Variants in CEP57L1 observed in about 807,000 individuals in gnomAD.
CEP57L1 encodes centrosomal protein 57 like 1, also known as centrosomal protein CEP57L1.
Under a neutral mutation model 61.0 loss-of-function variants are expected in CEP57L1, and 37 were observed. That is an observed-to-expected ratio of 0.61 (90% CI 0.47 to 0.80). The LOEUF is 0.80. Ranked by LOEUF, CEP57L1 falls within the 30% of genes least tolerant of loss-of-function variation. CEP57L1 has a pLI of 0.00. For missense variants in CEP57L1, 422 were observed against 524.7 expected, an observed-to-expected ratio of 0.80 and a Z score of 1.91; for synonymous variants, 137 against 162.3, an observed-to-expected ratio of 0.84 and a Z score of 1.19.
chr6:109,096,501 C>T (rs1478305075), intron 1 of CEP57L1, among the ~76,000 whole-genome samples: 2 of 152,126 alleles, frequency 1.3e-5, no homozygotes, highest in Admixed American at 1.3e-4. Context: ...AGGGTACTTT[C>T]AGGAAACGTC....
At position 109,158,969 on chromosome 6, in the gene CEP57L1, C is replaced by A; in HGVS notation, c.745-56C>A. 3.3e-6 allele frequency: 5 copies of A among 1,534,746 alleles called. No homozygotes were observed. In the South Asian group the frequency reaches 6.0e-5, roughly 18 times the overall value. On this transcript the variant is annotated intron_variant, in intron 7 of 10. Coordinates refer to ENST00000517392, the MANE Select transcript of CEP57L1 (RefSeq NM_001271852.3). ...GTTGAGTTTTGAGAGTTCTTCATAT[C>A]GTAAATAACTTTTAAAATAATTTCT...
At chr6:109,161,066 G>T (rs981902283) in intron 10 of CEP57L1, among the ~76,000 whole-genome samples, 2 of 151,960 alleles carry the variant, frequency 1.3e-5, no homozygotes, top group Admixed American at 1.3e-4. Context: ...ATGCCTTAAT[G>T]ATACCCCTTA....
At chr6:109,135,108 C>T (rs1774689108) in intron 1 of CEP57L1, among the ~76,000 whole-genome samples, 1 of 152,124 alleles carries the variant, frequency 6.6e-6, no homozygotes, top group Non-Finnish European at 1.5e-5. Context: ...ATCGCCAAGT[C>T]AATCCTAAGC....
intron 1 of CEP57L1, among the ~76,000 whole-genome samples, chr6:109,131,652 G>C (rs932048163): frequency 4.6e-5 from 7 of 151,140 alleles, no homozygotes; most frequent in African/African-American, 1.7e-4. Context: ...TCTGGTAAAA[G>C]AACACATTTT....
chr6:109,132,777 C>T (rs1277091713), intron 1 of CEP57L1, among the ~76,000 whole-genome samples: 3 of 152,058 alleles, frequency 2.0e-5, no homozygotes, highest in Admixed American at 6.5e-5. Flanking sequence ...TTTATATTGT[C>T]GGTTTTAAAT....
intron 1 of CEP57L1, among the ~76,000 whole-genome samples, chr6:109,114,018 G>A (rs1771990305): frequency 6.6e-6 from 1 of 152,016 alleles, no homozygotes; most frequent in South Asian, 2.1e-4. Context: ...AGTGAACATG[G>A]GAGTGCAGAC....
intron 1 of CEP57L1, among the ~76,000 whole-genome samples, chr6:109,132,644 T>C (rs1016434487): frequency 2.0e-5 from 3 of 152,244 alleles, no homozygotes; most frequent in African/African-American, 4.8e-5. Flanking sequence ...TGTATGTATA[T>C]ATGTGTATGT....
intron 7 of CEP57L1, 57 bp downstream of exon 7, chr6:109,155,934 C>A (rs1043155096): frequency 2.6e-6 from 2 of 775,726 alleles, no homozygotes; most frequent in African/African-American, 1.8e-5. Context: ...ATTTATATAA[C>A]CTCTTAATCC....
intron 1 of CEP57L1, among the ~76,000 whole-genome samples, chr6:109,100,921 A>G (rs1350225438): frequency 6.6e-6 from 1 of 152,128 alleles, no homozygotes; most frequent in Non-Finnish European, 1.5e-5. Flanking sequence ...ATCCTGGCCA[A>G]CATGGTGAAA....
In CEP57L1 at chr6:109,143,254, ACTC is replaced by A. The variant is rs141655726; in HGVS notation, c.-3-1959_-3-1957del. On this transcript the variant is annotated intron_variant, in intron 1 of 10. Transcript: ENST00000517392. Reference sequence around the variant, plus strand: ...CCACCATCATAGTCTACTCAGAATCACTCCTCCTTTCCTTAGTCATTTAAGGCT... The same window carrying A: ...CCACCATCATAGTCTACTCAGAATCACTCCTTTCCTTAGTCATTTAAGGCT... Among the ~76,000 whole-genome samples the A allele has an allele frequency of 4.5e-3, 677 of 151,920 alleles. 7 individuals are homozygous for A. The highest frequency in any genetic ancestry group is 0.015 in the African/African-American group (633 of 41,408).
chr6:109,138,017 G>A (rs1413688785), intron 1 of CEP57L1, among the ~76,000 whole-genome samples: 1 of 152,236 alleles, frequency 6.6e-6, no homozygotes, highest in Non-Finnish European at 1.5e-5. Context: ...GGAACCAGAA[G>A]TAAAAAGTCC....
intron 9 of CEP57L1, 36 bp from the exon 10 acceptor site, chr6:109,160,536 C>G (rs370921017): frequency 2.0e-6 from 3 of 1,501,588 alleles, no homozygotes; most frequent in Non-Finnish European, 2.7e-6. Context: ...ATGCAATAAA[C>G]TATAATACTG....
rs963892445 is a variant in CEP57L1 at position 109,146,759 on chromosome 6, T to C, written c.162T>C (p.Ala54=). 1 of 1,554,500 alleles carries C rather than the reference T, an allele frequency of 6.4e-7. No individual in the cohort carries two copies. Among genetic ancestry groups the C allele is most frequent in the Non-Finnish European group, 8.6e-7 (1 of 1,156,722 alleles). ...PKILHSPNSQ[A]LILALKTLQE... is the part of the protein sequence containing the mutation. ...ATCAACAAAATTTTTTTTCAACAGC[T>C]CTTATTTTAGCCTTAAAAACTCTTC... Residue 54 remains alanine (A), a splice_region_variant and synonymous_variant, in exon 3 of 11, where the codon GCT becomes GCC. Coordinates refer to ENST00000517392, the MANE Select transcript of CEP57L1 (RefSeq NM_001271852.3).
At chr6:109,111,677 A>C (rs533906090) in intron 1 of CEP57L1, among the ~76,000 whole-genome samples, 1 of 152,200 alleles carries the variant, frequency 6.6e-6, no homozygotes, top group African/African-American at 2.4e-5. Flanking sequence ...AATAGCTCTT[A>C]TTATTTTGAG....
In CEP57L1 at chr6:109,173,831, G is replaced by T. The variant is rs1169999266; in HGVS notation, c.*10861G>T. 6.6e-5 allele frequency among the ~76,000 whole-genome samples: 10 copies of T among 151,910 alleles called. No homozygotes were observed. The highest frequency in any genetic ancestry group is 1.0e-4 in the Non-Finnish European group (7 of 68,000). On this transcript the variant is annotated 3_prime_UTR_variant, in exon 11 of 11. Coordinates refer to ENST00000517392, the MANE Select transcript of CEP57L1 (RefSeq NM_001271852.3). ...CCATGTGTTGGGGCTGAACGTAGTG[G>T]CTCACGCCTATAATCCCAGCACTTT... is the stretch of plus-strand genomic sequence containing the variant.
intron 1 of CEP57L1, among the ~76,000 whole-genome samples, chr6:109,101,744 T>C (rs1468106385): frequency 2.0e-5 from 3 of 151,652 alleles, no homozygotes; most frequent in Non-Finnish European, 4.4e-5. Flanking sequence ...CTCAGCCTCC[T>C]GAGTAGCTGG....
At chr6:109,110,847 G>A (rs1056369546) in intron 1 of CEP57L1, among the ~76,000 whole-genome samples, 10 of 152,006 alleles carry the variant, frequency 6.6e-5, no homozygotes, top group East Asian at 3.9e-4. Context: ...GATGTGTGGC[G>A]TTATTTCTGA....
intron 10 of CEP57L1, among the ~76,000 whole-genome samples, chr6:109,161,506 C>T (rs1050942655): frequency 7.9e-5 from 12 of 151,906 alleles, no homozygotes; most frequent in African/African-American, 2.9e-4. Flanking sequence ...ATAAGCCTCC[C>T]CGCGTTTTAT....
At chr6:109,140,157 A>G (rs1771187893) in intron 1 of CEP57L1, among the ~76,000 whole-genome samples, 1 of 151,950 alleles carries the variant, frequency 6.6e-6, no homozygotes, top group Admixed American at 6.6e-5. Context: ...CAGTGACTTG[A>G]TCTCGGCTCA....
Sources: allele counts gnomAD v4.1 joint callset (sites outside exome capture counted in the v4.1 genomes callset), GRCh38; gene constraint gnomAD v4.1.1; transcripts MANE v1.5; gene names NCBI Gene and HGNC (gene_info 2026-07-23, HGNC 2026-07-21).